Variants in SESN1 observed in about 807,000 individuals in gnomAD.
SESN1 encodes sestrin-1.
In SESN1, 30 loss-of-function variants were observed where a neutral mutation model predicts 59.3. The observed-to-expected ratio is 0.51, with a 90% confidence interval of 0.38 to 0.69. SESN1 has a LOEUF of 0.69. SESN1 is among the 30% of genes least tolerant of loss of function. The pLI, the probability that SESN1 is intolerant of heterozygous loss-of-function variation, is 0.00. For synonymous variants in SESN1, 197 were observed against 219.9 expected (o/e 0.90, Z 0.92); for missense variants, 566 against 673.0 (o/e 0.84, Z 1.76).
intron 1 of SESN1, among the ~76,000 whole-genome samples, chr6:109,027,099 GGT>G (rs1223356351): frequency 1.3e-5 from 2 of 152,124 alleles, no homozygotes; most frequent in African/African-American, 2.4e-5. Context: ...GAATCTGGGA[GGT>G]GTAGGTTGCA....
chr6:108,986,214 T>C lies in SESN1; in HGVS notation c.*1330A>G, dbSNP rs550726127. 6.6e-6 allele frequency among the ~76,000 whole-genome samples: 1 copy of C among 152,172 alleles called. No individual in the cohort carries two copies. Among genetic ancestry groups the C allele is most frequent in the African/African-American group, 2.4e-5 (1 of 41,418 alleles). ...AAATTCTATTGGAACTCTAAAACAG[T>C]TGAAAAGAGAGCAGGCATAGGGCCA... On this transcript the variant is annotated 3_prime_UTR_variant, in exon 10 of 10. Coordinates refer to ENST00000436639, the MANE Select transcript of SESN1 (RefSeq NM_014454.3).
intron 1 of SESN1, among the ~76,000 whole-genome samples, chr6:109,057,211 C>T (rs1329968990): frequency 1.3e-5 from 2 of 152,200 alleles, no homozygotes; most frequent in East Asian, 3.8e-4. Flanking sequence ...ATTTTCAACC[C>T]TCAGAAACTA....
intron 1 of SESN1, among the ~76,000 whole-genome samples, chr6:109,011,652 CAG>C (rs1779859906): frequency 7.0e-6 from 1 of 143,370 alleles, no homozygotes; most frequent in Non-Finnish European, 1.5e-5. Context: ...TTTTTTGAGA[CAG>C]AGTCTCGCTC....
At chr6:109,067,101 G>T (rs1780841954) in intron 1 of SESN1, among the ~76,000 whole-genome samples, 1 of 152,168 alleles carries the variant, frequency 6.6e-6, no homozygotes, top group Admixed American at 6.5e-5. Flanking sequence ...AAGAGGAAAA[G>T]AGTATATAAC....
Position 109,093,648 on chromosome 6 carries a change from C to T in SESN1, c.279+147G>A. The T allele has an allele frequency of 5.3e-6, 4 of 747,998 alleles. No homozygotes were observed. In the South Asian group the frequency reaches 9.1e-5, roughly 17 times the overall value. The allele number at this position is 747,998 out of a possible 1,614,324, so 46.3% of individuals were successfully genotyped here. Reference sequence around the variant, plus strand: ...TGCCTAAAACTCTAGAAAAACACTACTTGTTTACTTACAGAACACTCTAAA... The same window carrying T: ...TGCCTAAAACTCTAGAAAAACACTATTTGTTTACTTACAGAACACTCTAAA... On this transcript the variant is annotated intron_variant, in intron 1 of 9. Coordinates refer to ENST00000436639, the MANE Select transcript of SESN1 (RefSeq NM_014454.3).
chr6:109,060,668 G>A (rs1780716861), intron 1 of SESN1, among the ~76,000 whole-genome samples: 2 of 152,102 alleles, frequency 1.3e-5, no homozygotes, highest in Non-Finnish European at 2.9e-5. Flanking sequence ...AGCATCTGTA[G>A]GATGCTCGAT....
At chr6:109,036,140 G>A (rs1251384963) in intron 1 of SESN1, among the ~76,000 whole-genome samples, 1 of 152,158 alleles carries the variant, frequency 6.6e-6, no homozygotes, top group Non-Finnish European at 1.5e-5. Context: ...AGGAAAGAGA[G>A]GAGTCATCAG....
chr6:109,057,867 G>A lies in SESN1; in HGVS notation c.279+35928C>T, dbSNP rs549733543. Among the ~76,000 whole-genome samples, 153 of 152,236 alleles carry A rather than the reference G, an allele frequency of 1.0e-3. 1 individual carries two copies. Among genetic ancestry groups the A allele is most frequent in the African/African-American group, 3.3e-3 (139 of 41,542 alleles). ...TGGATCATATAATCCATAGGAAAAT[G>A]AGTTTCTCTTGATGATAACCTGCTT... is the stretch of plus-strand genomic sequence containing the variant. On this transcript the variant is annotated intron_variant, in intron 1 of 9. Transcript: ENST00000436639.
intron 7 of SESN1, among the ~76,000 whole-genome samples, chr6:108,991,519 C>T (rs867126766): frequency 1.3e-5 from 2 of 152,228 alleles, no homozygotes; most frequent in East Asian, 1.9e-4. Context: ...TGGGATTACA[C>T]GTGGGAGCCA....
At chr6:109,004,438 C>CTT (rs776158699) in intron 1 of SESN1, among the ~76,000 whole-genome samples, 9 of 142,704 alleles carry the variant, frequency 6.3e-5, no homozygotes, top group African/African-American at 1.0e-4. Flanking sequence ...CCCCAACAAT[C>CTT]TTTTTTTTTT....
chr6:109,036,936 T>A (rs887307159), intron 1 of SESN1, among the ~76,000 whole-genome samples: 1 of 152,232 alleles, frequency 6.6e-6, no homozygotes, highest in Non-Finnish European at 1.5e-5. Context: ...CAAAAAGGTT[T>A]ACAGATGTTT....
At chr6:109,055,982 G>A (rs1780626749) in intron 1 of SESN1, among the ~76,000 whole-genome samples, 1 of 152,132 alleles carries the variant, frequency 6.6e-6, no homozygotes, top group Non-Finnish European at 1.5e-5. Flanking sequence ...AGAATACAAA[G>A]GAGAAAGTAA....
chr6:109,043,297 C>T (rs1780369084), intron 1 of SESN1, among the ~76,000 whole-genome samples: 1 of 152,064 alleles, frequency 6.6e-6, no homozygotes, highest in African/African-American at 2.4e-5. Context: ...AGAATATTTA[C>T]TCTCACCACT....
chr6:109,014,603 T>C (rs1035958248), intron 1 of SESN1, among the ~76,000 whole-genome samples: 4 of 152,216 alleles, frequency 2.6e-5, no homozygotes, highest in Non-Finnish European at 4.4e-5. Context: ...CTCCCTTGCT[T>C]TTACTCAGGG....
rs1425404480 is a variant in SESN1, at chr6:109,000,478, C to T, written c.729+13G>A. 1.3e-6 allele frequency: 2 copies of T among 1,512,200 alleles called. No homozygotes were observed. The highest frequency in any genetic ancestry group is 1.8e-6 in the Non-Finnish European group (2 of 1,126,552). The allele number at this position is 1,512,200 out of a possible 1,614,324, so 93.7% of individuals were successfully genotyped here. A position where few individuals can be genotyped will look rare whatever the true frequency, so the allele number is the denominator to read the frequency against. ...CTGAAATGACTCCCAAGATATATTA[C>T]CCCACTGCTTACCTCAATGTGTTCT... On this transcript the variant is annotated intron_variant, in intron 4 of 9. Coordinates refer to ENST00000436639, the MANE Select transcript of SESN1 (RefSeq NM_014454.3).
At chr6:109,078,097 T>C (rs1006422424) in intron 1 of SESN1, among the ~76,000 whole-genome samples, 1 of 152,180 alleles carries the variant, frequency 6.6e-6, no homozygotes, top group African/African-American at 2.4e-5. Flanking sequence ...ATTTTAAAGC[T>C]GTCTTTTCTA....
chr6:108,998,723 G>A lies in SESN1; in HGVS notation c.762C>T (p.Ser254=). 1 of 1,613,442 alleles carries A rather than the reference G, an allele frequency of 6.2e-7. No homozygotes were observed. Among genetic ancestry groups the A allele is most frequent in the Non-Finnish European group, 8.5e-7 (1 of 1,179,496 alleles). Residue 254 remains serine, a synonymous_variant, in exon 5 of 10, where the codon TCC becomes TCT. Coordinates refer to ENST00000436639, the MANE Select transcript of SESN1 (RefSeq NM_014454.3). The part of the protein sequence containing the change: ...GLLKAEEHSW[S]LAELVHAVVL... ...CTACTGCATGTACCAATTCCGCAAG[G>A]GACCAGCTGTGCTCTTCAGCTTTTA...
intron 1 of SESN1, among the ~76,000 whole-genome samples, chr6:109,040,414 T>C (rs1780319228): frequency 6.6e-6 from 1 of 152,196 alleles, no homozygotes. Context: ...GGACTTCTGA[T>C]TTCTCTGTCA....
intron 1 of SESN1, among the ~76,000 whole-genome samples, chr6:109,054,512 CAT>C (rs1459691052): frequency 6.6e-6 from 1 of 152,098 alleles, no homozygotes; most frequent in Non-Finnish European, 1.5e-5. Flanking sequence ...CACCAATTTA[CAT>C]GTCTATAAGC....
Sources: gnomAD v4.1 joint callset for allele counts (sites outside exome capture counted in the v4.1 genomes callset) on GRCh38, gnomAD v4.1.1 for gene constraint, MANE v1.5 for transcripts, NCBI Gene and HGNC (gene_info 2026-07-23, HGNC 2026-07-21) for gene names.